The following BRD4 variants were observed in gnomAD, a reference collection of about 807,000 sequenced individuals.
The protein encoded by BRD4 is bromodomain-containing protein 4.
In BRD4, 16 loss-of-function variants were observed where a neutral mutation model predicts 142.1. That is an observed-to-expected ratio of 0.11 (90% CI 0.08 to 0.17). The LOEUF (loss-of-function observed/expected upper bound fraction) is 0.17. BRD4 is among the 10% of genes least tolerant of loss of function. The probability of loss-of-function intolerance (pLI) is 1.00; values close to 1 mark genes in which losing one functional copy is unlikely to be tolerated. For missense variants in BRD4, 1,424 were observed against 1,810.9 expected (o/e 0.79, Z 3.88); for synonymous variants, 833 against 707.5 (o/e 1.18, Z -2.82).
chr19:15,250,881 T>G (rs2145547049), intron 11 of BRD4, among the ~76,000 whole-genome samples: 1 of 152,280 alleles, frequency 6.6e-6, no homozygotes, highest in East Asian at 1.9e-4. Flanking sequence ...CCTGGGACAG[T>G]GTCTTCCTCC....
At chr19:15,296,472 A>C (rs1417693153) in intron 1 of BRD4, among the ~76,000 whole-genome samples, 1 of 152,152 alleles carries the variant, frequency 6.6e-6, no homozygotes, top group Non-Finnish European at 1.5e-5. Context: ...ACAGGCCTCA[A>C]TGTGTGTTTG....
At chr19:15,328,290 CTT>C (rs1215891772) in intron 1 of BRD4, among the ~76,000 whole-genome samples, 5 of 152,070 alleles carry the variant, frequency 3.3e-5, no homozygotes, top group Non-Finnish European at 4.4e-5. Flanking sequence ...TAAAAAAAAA[CTT>C]AACAGGTTTT....
chr19:15,303,007 CAAAAAA>C (rs1213995194), intron 1 of BRD4, among the ~76,000 whole-genome samples: 2 of 57,952 alleles, frequency 3.5e-5, no homozygotes, highest in Non-Finnish European at 3.3e-5. Context: ...GACTCCGTCG[CAAAAAA>C]AAAAAAAAAA....
At position 15,237,220 on chromosome 19, in the gene BRD4, A is replaced by G. The variant is rs987989615; in HGVS notation, c.*1157T>C. 6.3e-5 allele frequency: 8 copies of G among 126,994 alleles called. No individual in the cohort carries two copies. The highest frequency in any genetic ancestry group is 9.4e-5 in the Non-Finnish European group (6 of 63,946). 7.9% of individuals were successfully genotyped at this position (126,994 alleles called of 1,614,324 possible). ...AACCAACTCAACAGATCTGACATTA[A>G]AAAACAAAAAAGCCAACAAATGGGT... is the stretch of plus-strand genomic sequence containing the variant. On this transcript the variant is annotated 3_prime_UTR_variant, in exon 20 of 20. Transcript: ENST00000679869.
intron 9 of BRD4, 135 bp from the exon 10 acceptor site, chr19:15,255,727 G>T: frequency 1.7e-6 from 2 of 1,176,982 alleles, no homozygotes; most frequent in Non-Finnish European, 2.3e-6. Context: ...CAGGAAACGG[G>T]GCATGGGCAA....
intron 11 of BRD4, chr19:15,247,145 G>GT (rs578161814): frequency 8.9e-6 from 2 of 224,780 alleles, no homozygotes; most frequent in African/African-American, 2.2e-5. Flanking sequence ...GAAATAAAAT[G>GT]TTTTTTAAAA....
intron 1 of BRD4, among the ~76,000 whole-genome samples, chr19:15,328,023 T>C (rs916183741): frequency 2.0e-5 from 3 of 151,944 alleles, no homozygotes; most frequent in African/African-American, 7.3e-5. Context: ...ACAACGTTTA[T>C]CTCAAAGCTA....
At chr19:15,295,677 T>C (rs1178964179) in intron 1 of BRD4, among the ~76,000 whole-genome samples, 2 of 152,204 alleles carry the variant, frequency 1.3e-5, no homozygotes, top group Non-Finnish European at 2.9e-5. Flanking sequence ...GAAATAAAAC[T>C]GCCTTTGTGG....
At position 15,239,848 on chromosome 19, in the gene BRD4, G is replaced by A. The variant is rs2047224634; in HGVS notation, c.3283-27C>T. The A allele has an allele frequency of 6.2e-7, 1 of 1,613,912 alleles. No homozygotes were observed. Among genetic ancestry groups the A allele is most frequent in the Non-Finnish European group, 8.5e-7 (1 of 1,180,002 alleles). On this transcript the variant is annotated intron_variant, in intron 15 of 19. Transcript: ENST00000679869. The surrounding 1 kb of genome is among the most constrained non-coding windows in gnomAD (Gnocchi z 7.4). Reference sequence around the variant, plus strand: ...TGGGATGGCACAGGCACAGCGGCCGGTGAGGTGGGCAGGCACCCCCGGCCC... The same window carrying A: ...TGGGATGGCACAGGCACAGCGGCCGATGAGGTGGGCAGGCACCCCCGGCCC...
At chr19:15,307,804 G>A (rs1237753903) in intron 1 of BRD4, among the ~76,000 whole-genome samples, 1 of 151,998 alleles carries the variant, frequency 6.6e-6, no homozygotes, top group East Asian at 1.9e-4. Flanking sequence ...CTACCAGATT[G>A]CCTAAGAAGG....
At chr19:15,317,682 T>C (rs532530086) in intron 1 of BRD4, among the ~76,000 whole-genome samples, 1 of 151,636 alleles carries the variant, frequency 6.6e-6, no homozygotes, top group Non-Finnish European at 1.5e-5. Context: ...CCAGAAAGGG[T>C]AAACCAGCTC....
At chr19:15,315,926 C>T (rs1323660902) in intron 1 of BRD4, among the ~76,000 whole-genome samples, 3 of 151,262 alleles carry the variant, frequency 2.0e-5, no homozygotes, top group East Asian at 2.0e-4. Flanking sequence ...GAGGCCGAGG[C>T]GGGCGGATCA....
intron 1 of BRD4, among the ~76,000 whole-genome samples, chr19:15,293,911 G>C (rs1213129848): frequency 1.3e-5 from 2 of 152,212 alleles, no homozygotes; most frequent in Non-Finnish European, 2.9e-5. Flanking sequence ...GCCCTTTTGT[G>C]TCTGACTTCT....
rs866414198 is a variant in BRD4, at chr19:15,272,981, G to A, written c.119C>T (p.Ala40Val). ...QAQAQPQPAN[A>V]ASTNPPPPET... ...TGGGGGCGGGGGGTTGGTGCTGGCT[G>A]CGTTGGCTGGCTGGGGTTGGGCCTG... The change falls in exon 2 of 20, where the codon GCA becomes GTA. Residue 40 changes from alanine (A) to valine (V), a missense_variant. Ala to Val is a moderately conservative substitution (Grantham distance 64, BLOSUM62 0). Coordinates refer to ENST00000679869, the MANE Select transcript of BRD4 (RefSeq NM_001379291.1). The A allele has an allele frequency of 3.1e-6, 5 of 1,614,234 alleles. No individual in the cohort carries two copies. Among genetic ancestry groups the A allele is most frequent in the Middle Eastern group, 3.3e-4 (2 of 6,062 alleles).
In BRD4 at chr19:15,243,299, T is replaced by G. The variant is rs1599433344; in HGVS notation, c.2770A>C (p.Thr924Pro). The G allele has an allele frequency of 2.6e-6, 3 of 1,160,556 alleles. No homozygotes were observed. Among genetic ancestry groups the G allele is most frequent in the Non-Finnish European group, 3.2e-6 (3 of 931,488 alleles). The allele number at this position is 1,160,556 out of a possible 1,614,324, so 71.9% of individuals were successfully genotyped here. ...AGGTACAGCTGCATCTGCATGGAGG[T>G]GAGGGGTGGGGCAGGTGGCTCTTCA... ...EDEEPPAPPLTSMQMQLYLQQ... is the reference protein window; with the variant it reads ...EDEEPPAPPLPSMQMQLYLQQ... The change falls in exon 14 of 20, where the codon ACC becomes CCC. Residue 924 changes from threonine (T) to proline (P), a missense_variant. Thr to Pro is a conservative substitution (Grantham distance 38, BLOSUM62 -1). Coordinates refer to ENST00000679869, the MANE Select transcript of BRD4 (RefSeq NM_001379291.1).
intron 1 of BRD4, among the ~76,000 whole-genome samples, chr19:15,279,250 A>G (rs901073943): frequency 6.6e-6 from 1 of 152,252 alleles, no homozygotes; most frequent in Admixed American, 6.5e-5. Flanking sequence ...GTAATGTTTT[A>G]TAACTCTGAA....
chr19:15,301,558 G>A lies in BRD4; in HGVS notation c.-34-28425C>T, dbSNP rs1365883973. Among the ~76,000 whole-genome samples the A allele has an allele frequency of 2.2e-4, 31 of 140,474 alleles. No individual in the cohort carries two copies. In the East Asian group the frequency reaches 3.7e-3, roughly 17 times the overall value. 92.2% of individuals were successfully genotyped at this position (140,474 alleles called of 152,430 possible). A position where few individuals can be genotyped will look rare whatever the true frequency, so the allele number is the denominator to read the frequency against. On this transcript the variant is annotated intron_variant, in intron 1 of 19. Coordinates refer to ENST00000679869, the MANE Select transcript of BRD4 (RefSeq NM_001379291.1). The stretch of plus-strand genomic sequence containing the variant: ...AGCCTGGGCGACAGAGCAAGACTAC[G>A]TCTCAAAACAAAAAAAAAAAAGGCT...
chr19:15,312,897 T>C (rs1051322314), intron 1 of BRD4, among the ~76,000 whole-genome samples: 4 of 152,022 alleles, frequency 2.6e-5, no homozygotes, highest in African/African-American at 7.2e-5. Context: ...GGTCATGTCA[T>C]TGCACTCCAG....
intron 7 of BRD4, among the ~76,000 whole-genome samples, chr19:15,259,360 G>A (rs905706169): frequency 6.6e-6 from 1 of 152,234 alleles, no homozygotes; most frequent in East Asian, 1.9e-4. Flanking sequence ...AAGACTTGAG[G>A]ATGTCCTTGT....
Sources: gnomAD v4.1 joint callset for allele counts (sites outside exome capture counted in the v4.1 genomes callset) on GRCh38, gnomAD v4.1.1 for gene constraint, Gnocchi (gnomAD v3.1) non-coding constraint, MANE v1.5 for transcripts, NCBI Gene and HGNC (gene_info 2026-07-23, HGNC 2026-07-21) for gene names.